LDLRAD3: variants seen among roughly 807,000 people sequenced by gnomAD.
The protein encoded by LDLRAD3 is low-density lipoprotein receptor class A domain-containing protein 3.
Under a neutral mutation model 29.4 loss-of-function variants are expected in LDLRAD3, and 20 were observed. The ratio of observed to expected loss-of-function variants is 0.68; its 90% confidence interval spans 0.48 to 0.99. LDLRAD3 has a LOEUF of 0.99. LDLRAD3 is among the 50% of genes least tolerant of loss of function. The probability of loss-of-function intolerance (pLI) is 0.00; values close to 1 mark genes in which losing one functional copy is unlikely to be tolerated. For synonymous variants in LDLRAD3, 157 were observed against 192.7 expected (o/e 0.81, Z 1.53); for missense variants, 420 against 454.3 (o/e 0.92, Z 0.69).
intron 2 of LDLRAD3, among the ~76,000 whole-genome samples, chr11:36,065,739 C>G (rs567608171): frequency 6.6e-6 from 1 of 152,146 alleles, no homozygotes. Flanking sequence ...GTCTTCAGTT[C>G]CCGTGGGTGT....
intron 1 of LDLRAD3, among the ~76,000 whole-genome samples, chr11:35,947,686 T>C (rs996789389): frequency 6.6e-6 from 1 of 152,126 alleles, no homozygotes; most frequent in African/African-American, 2.4e-5. Flanking sequence ...CATTGTATGG[T>C]TCAGGAGAGA....
At chr11:36,124,668 C>T (rs1853809530) in intron 4 of LDLRAD3, among the ~76,000 whole-genome samples, 1 of 151,776 alleles carries the variant, frequency 6.6e-6, no homozygotes, top group Non-Finnish European at 1.5e-5. Flanking sequence ...CCTTGTCCGG[C>T]ACGCTAGTCT....
At chr11:36,058,659 C>G (rs1290971558) in intron 2 of LDLRAD3, among the ~76,000 whole-genome samples, 3 of 152,192 alleles carry the variant, frequency 2.0e-5, no homozygotes, top group African/African-American at 7.2e-5. Context: ...CTATTCTAAT[C>G]CATTAGCAAG....
At chr11:36,097,351 A>T (rs1853375633) in intron 3 of LDLRAD3, among the ~76,000 whole-genome samples, 1 of 152,194 alleles carries the variant, frequency 6.6e-6, no homozygotes. Context: ...AGATCATGTC[A>T]TTACCTCCAC....
intron 4 of LDLRAD3, among the ~76,000 whole-genome samples, chr11:36,163,102 C>T (rs1854466543): frequency 1.3e-5 from 2 of 152,228 alleles, no homozygotes; most frequent in African/African-American, 2.4e-5. Context: ...GCAGAAAAAG[C>T]AATGCAAACG....
intron 4 of LDLRAD3, among the ~76,000 whole-genome samples, chr11:36,135,850 C>T (rs1187424690): frequency 1.3e-5 from 2 of 152,110 alleles, no homozygotes; most frequent in African/African-American, 2.4e-5. Context: ...GCAGAGGTTG[C>T]AGTGAGCCGA....
chr11:36,012,587 C>G (rs540165473), intron 1 of LDLRAD3, among the ~76,000 whole-genome samples: 1 of 152,242 alleles, frequency 6.6e-6, no homozygotes, highest in East Asian at 1.9e-4. Context: ...TGAGACCGTT[C>G]TTAAGTGACT....
intron 1 of LDLRAD3, among the ~76,000 whole-genome samples, chr11:35,961,728 A>G (rs1851280288): frequency 6.6e-6 from 1 of 152,206 alleles, no homozygotes; most frequent in African/African-American, 2.4e-5. Context: ...TCTAACAACA[A>G]TGAGAATATT....
intron 4 of LDLRAD3, among the ~76,000 whole-genome samples, chr11:36,120,003 T>A (rs931234161): frequency 6.6e-6 from 1 of 152,222 alleles, no homozygotes; most frequent in African/African-American, 2.4e-5. Context: ...GAGTTCATAT[T>A]TATGTATGGT....
chr11:36,089,521 G>T (rs529471657), intron 3 of LDLRAD3, among the ~76,000 whole-genome samples: 16 of 151,900 alleles, frequency 1.1e-4, no homozygotes, highest in Admixed American at 9.2e-4. Context: ...TCCGCCTCCC[G>T]GGTTCAAGCA....
chr11:36,126,236 C>T (rs574103971), intron 4 of LDLRAD3, among the ~76,000 whole-genome samples: 1 of 152,262 alleles, frequency 6.6e-6, no homozygotes, highest in South Asian at 2.1e-4. Context: ...CCCCTCATCA[C>T]CTATCTCTGC....
intron 4 of LDLRAD3, among the ~76,000 whole-genome samples, chr11:36,163,952 G>A (rs11601186): frequency 1.3e-5 from 2 of 152,198 alleles, no homozygotes. Flanking sequence ...AGTGGCTTCA[G>A]TTTTCACTGC....
intron 1 of LDLRAD3, among the ~76,000 whole-genome samples, chr11:36,022,910 G>A (rs1852115632): frequency 1.3e-5 from 2 of 152,144 alleles, no homozygotes; most frequent in Non-Finnish European, 1.5e-5. Flanking sequence ...ATTCAGACAT[G>A]CATACTAAAG....
Position 36,055,562 on chromosome 11 carries a change from A to G in LDLRAD3, c.193+19313A>G, listed in dbSNP as rs148248696. ...CCCACTGCTTAGCACAGCCTGGGGG[A>G]CTGGCAGATGGCACTATCGGCCCAG... On this transcript the variant is annotated intron_variant, in intron 2 of 5. Coordinates refer to ENST00000315571, the MANE Select transcript of LDLRAD3 (RefSeq NM_174902.4). Among the ~76,000 whole-genome samples, 1,272 of 152,312 alleles carry G rather than the reference A, an allele frequency of 8.4e-3. 50 individuals carry two copies. Among genetic ancestry groups the G allele is most frequent in the Admixed American group, 0.07 (1,067 of 15,298 alleles).
At chr11:36,033,414 A>T (rs1215075480) in intron 1 of LDLRAD3, among the ~76,000 whole-genome samples, 1 of 152,190 alleles carries the variant, frequency 6.6e-6, no homozygotes, top group Non-Finnish European at 1.5e-5. Context: ...TGTCAAGTCC[A>T]TGTGCCGCCA....
intron 2 of LDLRAD3, among the ~76,000 whole-genome samples, chr11:36,055,574 C>T (rs1451466257): frequency 1.3e-5 from 2 of 152,220 alleles, no homozygotes; most frequent in Non-Finnish European, 2.9e-5. Context: ...TGGCAGATGG[C>T]ACTATCGGCC....
At chr11:36,227,048 A>C in intron 4 of LDLRAD3, 37 bp from the exon 5 acceptor site, 4 of 1,441,424 alleles carry the variant, frequency 2.8e-6, no homozygotes, top group Non-Finnish European at 3.8e-6. Context: ...CAAACTGGTA[A>C]CCTTCTCTCT....
chr11:36,010,245 C>T (rs1851937989), intron 1 of LDLRAD3: 2 of 154,384 alleles, frequency 1.3e-5, no homozygotes, highest in Admixed American at 6.5e-5. Context: ...GCCAAAAATA[C>T]CATCTGCTGT....
chr11:36,105,238 T>TGTGTGTGTGTGTGTGTGTGAGA (rs1343780985), intron 4 of LDLRAD3, among the ~76,000 whole-genome samples: 147 of 128,408 alleles, frequency 1.1e-3, no homozygotes, highest in African/African-American at 3.8e-3. Flanking sequence ...TGTGTGTGTG[T>TGTGTGTGTGTGTGTGTGTGAGA]GAGAGAGAGA....
Sources: allele counts gnomAD v4.1 joint callset (sites outside exome capture counted in the v4.1 genomes callset), GRCh38; gene constraint gnomAD v4.1.1; transcripts MANE v1.5; gene names NCBI Gene and HGNC (gene_info 2026-07-23, HGNC 2026-07-21).